Variants in CSTF3 observed in about 807,000 individuals in gnomAD.
The protein encoded by CSTF3 is cleavage stimulation factor subunit 3.
CSTF3 carries 29 observed loss-of-function variants against 105.8 expected under a neutral mutation model. That is an observed-to-expected ratio of 0.27 (90% CI 0.20 to 0.37). CSTF3 has a LOEUF of 0.37. CSTF3 is among the 10% of genes least tolerant of loss of function. The probability of loss-of-function intolerance (pLI) is 1.00; values close to 1 mark genes in which losing one functional copy is unlikely to be tolerated. For missense variants in CSTF3, 357 were observed against 879.3 expected (o/e 0.41, Z 7.51); for synonymous variants, 252 against 281.9 (o/e 0.89, Z 1.06).
Position 33,099,825 on chromosome 11 carries a change from T to C in CSTF3, c.827-108A>G. The C allele has an allele frequency of 1.6e-6, 1 of 629,686 alleles. No individual in the cohort carries two copies. The highest frequency in any genetic ancestry group is 2.5e-5 in the South Asian group (1 of 39,274). 39.0% of individuals were successfully genotyped at this position (629,686 alleles called of 1,614,324 possible). A position where few individuals can be genotyped will look rare whatever the true frequency, so the allele number is the denominator to read the frequency against. ...TAGGCTCCTCAAAAATTAATGATAA[T>C]TAGAAATAAAAAGCTTTAGTGATTT... On this transcript the variant is annotated intron_variant, in intron 10 of 20. Transcript: ENST00000323959. This position sits in a 1 kb window ranked among gnomAD's most constrained non-coding sequence, Gnocchi z 4.1.
At chr11:33,153,207 T>C (rs988374157) in intron 1 of CSTF3, among the ~76,000 whole-genome samples, 1 of 152,136 alleles carries the variant, frequency 6.6e-6, no homozygotes, top group African/African-American at 2.4e-5. Flanking sequence ...CTTCTTTCAA[T>C]CTGTTACAAT....
chr11:33,160,846 A>G (rs2220287), intron 1 of CSTF3, among the ~76,000 whole-genome samples: 83,286 of 152,144 alleles, frequency 0.55, 25,308 homozygotes, highest in Non-Finnish European at 0.68. Context: ...GCTCTCATTA[A>G]GTCTTAATTC....
At chr11:33,153,659 C>CAAT (rs1249014238) in intron 1 of CSTF3, among the ~76,000 whole-genome samples, 4 of 130,968 alleles carry the variant, frequency 3.1e-5, no homozygotes, top group African/African-American at 8.3e-5. Context: ...GTAATAATAA[C>CAAT]AATAATAATA....
At chr11:33,157,123 C>T (rs1040181528) in intron 1 of CSTF3, among the ~76,000 whole-genome samples, 1 of 152,046 alleles carries the variant, frequency 6.6e-6, no homozygotes, top group African/African-American at 2.4e-5. Context: ...GAGGCTGAGG[C>T]AGGCAGATCA....
Position 33,084,921 on chromosome 11 carries a change from TCA to T in CSTF3, c.*164_*165del. On this transcript the variant is annotated 3_prime_UTR_variant, in exon 21 of 21. Coordinates refer to ENST00000323959, the MANE Select transcript of CSTF3 (RefSeq NM_001326.3). ...ATAGGTCTGTTCCGTATTCTAAAAT[TCA>T]CACAGGTTGGTTTGTTTTTTCTCAA... 2.7e-6 allele frequency: 2 copies of T among 742,012 alleles called. No homozygotes were observed. Among genetic ancestry groups the T allele is most frequent in the Non-Finnish European group, 4.5e-6 (2 of 447,076 alleles). 46.0% of individuals were successfully genotyped at this position (742,012 alleles called of 1,614,324 possible).
chr11:33,126,725 T>G (rs898544450), intron 3 of CSTF3, among the ~76,000 whole-genome samples: 1 of 152,218 alleles, frequency 6.6e-6, no homozygotes. Context: ...TTTTAGAAAT[T>G]CAACTTGTAA....
At chr11:33,132,390 A>G (rs1265519802) in intron 3 of CSTF3, among the ~76,000 whole-genome samples, 3 of 147,544 alleles carry the variant, frequency 2.0e-5, no homozygotes, top group Admixed American at 6.8e-5. Flanking sequence ...TCTGTTGAAG[A>G]AAAAAAAAAA....
intron 3 of CSTF3, among the ~76,000 whole-genome samples, chr11:33,117,804 C>T (rs561697129): frequency 6.6e-6 from 1 of 152,006 alleles, no homozygotes; most frequent in Admixed American, 6.6e-5. Context: ...TAGATATATA[C>T]ACACCCACAG....
At chr11:33,137,342 C>A (rs562768426) in intron 3 of CSTF3, among the ~76,000 whole-genome samples, 2 of 151,726 alleles carry the variant, frequency 1.3e-5, no homozygotes, top group Non-Finnish European at 3.0e-5. Context: ...ATCTAAGTGA[C>A]TACATCCTTT....
chr11:33,159,595 C>CAA (rs71034656), intron 1 of CSTF3, among the ~76,000 whole-genome samples: 14,336 of 37,904 alleles, frequency 0.38, 3,593 homozygotes, highest in Non-Finnish European at 0.47. Flanking sequence ...GGCTCCATCT[C>CAA]AAAAAAAAAA....
chr11:33,097,630 G>A (rs2133773184), intron 13 of CSTF3, among the ~76,000 whole-genome samples: 1 of 152,284 alleles, frequency 6.6e-6, no homozygotes, highest in African/African-American at 2.4e-5. Context: ...ACCTCCCAAA[G>A]TGCTGGGATT....
intron 15 of CSTF3, among the ~76,000 whole-genome samples, chr11:33,094,169 CTCA>C (rs944671850): frequency 3.9e-5 from 6 of 152,204 alleles, no homozygotes; most frequent in African/African-American, 1.4e-4. Flanking sequence ...GATCACCACC[CTCA>C]TCATAACATT....
chr11:33,124,939 G>A (rs559360978), intron 3 of CSTF3, among the ~76,000 whole-genome samples: 1 of 152,154 alleles, frequency 6.6e-6, no homozygotes, highest in African/African-American at 2.4e-5. Context: ...AACCATTTAT[G>A]TGATTTAAGA....
chr11:33,110,392 A>AT (rs1048932150), intron 3 of CSTF3, among the ~76,000 whole-genome samples: 5 of 152,156 alleles, frequency 3.3e-5, no homozygotes, highest in Non-Finnish European at 7.3e-5. Flanking sequence ...GGGGTTCCAA[A>AT]TTTTCTATGG....
At chr11:33,101,069 C>A (rs1855276231) in intron 10 of CSTF3, among the ~76,000 whole-genome samples, 1 of 152,146 alleles carries the variant, frequency 6.6e-6, no homozygotes, top group African/African-American at 2.4e-5. Flanking sequence ...AAAGACAGAA[C>A]AACACTAGGT....
intron 1 of CSTF3, among the ~76,000 whole-genome samples, chr11:33,153,838 A>G (rs1429524430): frequency 6.6e-6 from 1 of 152,152 alleles, no homozygotes; most frequent in Non-Finnish European, 1.5e-5. Flanking sequence ...TGATAACACA[A>G]AAGTATGAAT....
At chr11:33,114,398 CTA>C (rs1223023390) in intron 3 of CSTF3, among the ~76,000 whole-genome samples, 1 of 152,058 alleles carries the variant, frequency 6.6e-6, no homozygotes, top group Non-Finnish European at 1.5e-5. Flanking sequence ...AAATAAAACT[CTA>C]TGTCAACAGC....
Position 33,102,325 on chromosome 11 carries a change from T to C in CSTF3, c.678A>G (p.Val226=). The C allele has an allele frequency of 6.2e-7, 1 of 1,614,016 alleles. No individual in the cohort carries two copies. Among genetic ancestry groups the C allele is most frequent in the Non-Finnish European group, 8.5e-7 (1 of 1,179,910 alleles). ...GAGCATTACGGTCCAAGCCTTTCAT[T>C]ACTGTCTCATATTCCTAGACAACAA... is the stretch of plus-strand genomic sequence containing the variant. ...ARRVAKEYET[V]MKGLDRNAPS... is the part of the protein sequence containing the mutation. Residue 226 remains valine, a synonymous_variant, in exon 10 of 21, where the codon GTA becomes GTG. Coordinates refer to ENST00000323959, the MANE Select transcript of CSTF3 (RefSeq NM_001326.3).
chr11:33,127,988 T>A (rs963393073), intron 3 of CSTF3, among the ~76,000 whole-genome samples: 4 of 152,202 alleles, frequency 2.6e-5, no homozygotes, highest in African/African-American at 9.6e-5. Flanking sequence ...TTTTTTCATT[T>A]AAAAAATTCA....
Sources: allele counts gnomAD v4.1 joint callset (sites outside exome capture counted in the v4.1 genomes callset), GRCh38; gene constraint gnomAD v4.1.1; non-coding constraint Gnocchi (gnomAD v3.1); transcripts MANE v1.5; gene names NCBI Gene and HGNC (gene_info 2026-07-23, HGNC 2026-07-21).